CACNA1A: variants seen among roughly 807,000 people sequenced by gnomAD.
CACNA1A encodes voltage-dependent P/Q-type calcium channel subunit alpha-1A.
A neutral mutation model predicts 262.4 loss-of-function variants in CACNA1A; 57 were observed. That is an observed-to-expected ratio of 0.22 (90% CI 0.18 to 0.27). The LOEUF is 0.27. CACNA1A is among the 10% of genes least tolerant of loss of function. The pLI is 1.00. For synonymous variants in CACNA1A, 1,431 were observed against 1,419.3 expected, an observed-to-expected ratio of 1.01 and a Z score of -0.18; for missense variants, 2,526 against 3,562.8, an observed-to-expected ratio of 0.71 and a Z score of 7.41.
rs74181819 is a variant in CACNA1A, at chr19:13,285,952, ATTTTTTTTTTT to A, written c.3553+540_3553+550del. Among the ~76,000 whole-genome samples, 142 of 95,816 alleles carry A rather than the reference ATTTTTTTTTTT, an allele frequency of 1.5e-3. 1 individual carries two copies. Among genetic ancestry groups the A allele is most frequent in the African/African-American group, 5.9e-3 (138 of 23,588 alleles). The allele number at this position is 95,816 out of a possible 152,430, so 62.9% of individuals were successfully genotyped here. On this transcript the variant is annotated intron_variant, in intron 20 of 46. Transcript: ENST00000360228. ...GACATAATCCACCCAGCAGTTCACCATTTTTTTTTTTTTTTTTTTTTTTTGAGACAGTCTCG... is the reference window on the plus strand; with the variant it reads ...GACATAATCCACCCAGCAGTTCACCATTTTTTTTTTTTTGAGACAGTCTCG...
chr19:13,312,946 A>G (rs2058060863), intron 11 of CACNA1A, among the ~76,000 whole-genome samples, 165 bp from the exon 12 acceptor site: 3 of 152,042 alleles, frequency 2.0e-5, no homozygotes, highest in Admixed American at 2.0e-4. Context: ...GGCCTCAAAC[A>G]GTTTCCCTGA....
intron 24 of CACNA1A, chr19:13,271,214 G>GTTTTTTTTGTTTTTTTTGTTTTTGTT (rs2057009117): frequency 2.5e-5 from 2 of 80,436 alleles, no homozygotes; most frequent in African/African-American, 1.1e-4. Context: ...TCATTCTGCT[G>GTTTTTTTTGTTTTTTTTGTTTTTGTT]TTTTTTTTTT....
At chr19:13,425,076 T>A (rs1279438030) in intron 3 of CACNA1A, among the ~76,000 whole-genome samples, 2 of 152,172 alleles carry the variant, frequency 1.3e-5, no homozygotes, top group Non-Finnish European at 2.9e-5. Flanking sequence ...ACAGCTGGGA[T>A]TACAGGTGTG....
intron 17 of CACNA1A, among the ~76,000 whole-genome samples, chr19:13,303,034 G>A (rs1015841576): frequency 5.3e-5 from 8 of 152,124 alleles, no homozygotes; most frequent in Non-Finnish European, 8.8e-5. Flanking sequence ...AACATGCTGC[G>A]TTTGGCTAAG....
intron 31 of CACNA1A, 92 bp downstream of exon 31, chr19:13,245,090 G>T: frequency 9.5e-7 from 1 of 1,058,146 alleles, no homozygotes; most frequent in Non-Finnish European, 1.5e-6. Flanking sequence ...ATGGCTTCCG[G>T]GACACACTGC....
intron 37 of CACNA1A, chr19:13,226,351 TTTGA>T (rs1295147197): frequency 1.4e-5 from 2 of 147,754 alleles, no homozygotes; most frequent in African/African-American, 2.5e-5. Flanking sequence ...TGTCCCCGGC[TTTGA>T]TTGAGAAGGA....
rs8112069 is a variant in CACNA1A at position 13,469,728 on chromosome 19, C to T, written c.294-14516G>A. 4.3e-3 allele frequency among the ~76,000 whole-genome samples: 655 copies of T among 150,966 alleles called. 5 individuals carry two copies. Among genetic ancestry groups the T allele is most frequent in the African/African-American group, 0.015 (623 of 41,042 alleles). ...CCCGCCTCGGCTCCCCAAAGTGCTG[C>T]GATTACAGGTGTGGGCCACCGCGCC... On this transcript the variant is annotated intron_variant, in intron 1 of 46. Coordinates refer to ENST00000360228, the MANE Select transcript of CACNA1A (RefSeq NM_001127222.2).
At chr19:13,333,012 C>A in intron 8 of CACNA1A, 87 bp from the exon 9 acceptor site, 2 of 1,034,150 alleles carry the variant, frequency 1.9e-6, no homozygotes, top group Non-Finnish European at 3.0e-6. Context: ...CCCGGCCACC[C>A]CCATTCTCTG....
chr19:13,267,786 CTCCT>C (rs1238099247), intron 24 of CACNA1A, among the ~76,000 whole-genome samples: 2 of 151,638 alleles, frequency 1.3e-5, no homozygotes, highest in Non-Finnish European at 2.9e-5. Context: ...CTCTCCTTCT[CTCCT>C]TTTTTTTTGA....
intron 34 of CACNA1A, 170 bp downstream of exon 34, chr19:13,234,742 AAGAGAAGGG>A: frequency 7.2e-6 from 3 of 414,650 alleles, no homozygotes; most frequent in Non-Finnish European, 1.2e-5. Flanking sequence ...CCCCTACCGG[AAGAGAAGGG>A]CACGCCCCCT....
At chr19:13,279,013 G>C (rs372101687) in intron 22 of CACNA1A, among the ~76,000 whole-genome samples, 1 of 152,074 alleles carries the variant, frequency 6.6e-6, no homozygotes, top group Non-Finnish European at 1.5e-5. Flanking sequence ...GTGGTTTGTG[G>C]GCTCTGGGAG....
intron 3 of CACNA1A, among the ~76,000 whole-genome samples, chr19:13,438,671 G>T (rs2144866286): frequency 6.6e-6 from 1 of 152,250 alleles, no homozygotes; most frequent in East Asian, 1.9e-4. Flanking sequence ...GCACCCAACT[G>T]GGCCCAGCCT....
intron 19 of CACNA1A, among the ~76,000 whole-genome samples, chr19:13,293,608 C>T (rs746970651): frequency 3.4e-5 from 5 of 145,844 alleles, no homozygotes; most frequent in South Asian, 2.3e-4. Context: ...CACCTACGCC[C>T]GGCTAATTTT....
At chr19:13,479,847 C>A (rs1979045204) in intron 1 of CACNA1A, among the ~76,000 whole-genome samples, 1 of 152,192 alleles carries the variant, frequency 6.6e-6, no homozygotes, top group African/African-American at 2.4e-5. Flanking sequence ...AAAAGTAAAG[C>A]TAATATATAA....
At chr19:13,446,154 A>G (rs753746317) in intron 3 of CACNA1A, among the ~76,000 whole-genome samples, 9 of 150,444 alleles carry the variant, frequency 6.0e-5, no homozygotes, top group Non-Finnish European at 1.2e-4. Flanking sequence ...GCATGCCTGT[A>G]GTCCCAGCTA....
In CACNA1A at chr19:13,241,643, T is replaced by TGGGGGG; in HGVS notation, c.4950+3538_4950+3539insCCCCCC. The TGGGGGG allele has an allele frequency of 2.1e-6, 1 of 477,608 alleles. No individual in the cohort carries two copies. Among genetic ancestry groups the TGGGGGG allele is most frequent in the Non-Finnish European group, 4.1e-6 (1 of 245,076 alleles). The allele number at this position is 477,608 out of a possible 1,614,324, so 29.6% of individuals were successfully genotyped here. On this transcript the variant is annotated intron_variant, in intron 31 of 46. Transcript: ENST00000360228. This position sits in a 1 kb window ranked among gnomAD's most constrained non-coding sequence, Gnocchi z 4.0. Reference sequence around the variant, plus strand: ...TGCCAAAAAACCAATGGGTTTCGGTTCCCGGGCGGGGAGTGGGGGTGGTGG... The same window carrying TGGGGGG: ...TGCCAAAAAACCAATGGGTTTCGGTTGGGGGGCCCGGGCGGGGAGTGGGGGTGGTGG...
chr19:13,298,854 C>T lies in CACNA1A; in HGVS notation c.2779G>A (p.Asp927Asn), dbSNP rs1219163202. 1 of 1,586,936 alleles carries T rather than the reference C, an allele frequency of 6.3e-7. No individual in the cohort carries two copies. The highest frequency in any genetic ancestry group is 1.1e-5 in the South Asian group (1 of 89,316). Residue 927 changes from aspartate to asparagine, a missense_variant, in exon 19 of 47, where the codon GAC becomes AAC. Physicochemically the swap from Asp to Asn is conservative, Grantham distance 23. Coordinates refer to ENST00000360228, the MANE Select transcript of CACNA1A (RefSeq NM_001127222.2). ...CGGTGCACGTGCCTCCGGTGGGGGTCCCCGGCCTTGCCTCGCTCGGCCTCG... is the reference window on the plus strand; with the variant it reads ...CGGTGCACGTGCCTCCGGTGGGGGTTCCCGGCCTTGCCTCGCTCGGCCTCG... ...EGEAERGKAG[D>N]PHRRHVHRQG... is the part of the protein sequence containing the mutation.
At chr19:13,344,966 C>G (rs1460793065) in intron 6 of CACNA1A, among the ~76,000 whole-genome samples, 2 of 151,930 alleles carry the variant, frequency 1.3e-5, no homozygotes, top group African/African-American at 4.8e-5. Context: ...GCCATGTTGG[C>G]CAGGCTGGTC....
intron 7 of CACNA1A, 100 bp from the exon 8 acceptor site, chr19:13,334,593 T>TGTGTG (rs1568545428): frequency 4.5e-5 from 23 of 508,182 alleles, no homozygotes; most frequent in African/African-American, 2.7e-4. Flanking sequence ...GTGTGTGTGT[T>TGTGTG]TGTGTGTGTG....
Sources: allele counts gnomAD v4.1 joint callset (sites outside exome capture counted in the v4.1 genomes callset), GRCh38; gene constraint gnomAD v4.1.1; non-coding constraint Gnocchi (gnomAD v3.1); transcripts MANE v1.5; gene names NCBI Gene and HGNC (gene_info 2026-07-23, HGNC 2026-07-21).